SGCZ: variants seen among roughly 807,000 people sequenced by gnomAD.
The protein encoded by SGCZ is sarcoglycan zeta.
SGCZ carries 40 observed loss-of-function variants against 41.3 expected under a neutral mutation model. The observed-to-expected ratio is 0.97, with a 90% confidence interval of 0.75 to 1.26. SGCZ has a LOEUF of 1.26. SGCZ is among the 50% of genes most tolerant of loss of function. The pLI is 0.00. For synonymous variants in SGCZ, 206 were observed against 137.5 expected, an observed-to-expected ratio of 1.50 and a Z score of -3.49; for missense variants, 552 against 369.8, an observed-to-expected ratio of 1.49 and a Z score of -4.04.
At chr8:14,960,994 T>C (rs532732315) in intron 1 of SGCZ, among the ~76,000 whole-genome samples, 1 of 151,326 alleles carries the variant, frequency 6.6e-6, no homozygotes, top group African/African-American at 2.4e-5. Context: ...AAAGCCAATT[T>C]TACATTTTAC....
intron 1 of SGCZ, among the ~76,000 whole-genome samples, chr8:14,730,980 T>A (rs1384917905): frequency 6.6e-6 from 1 of 151,686 alleles, no homozygotes; most frequent in South Asian, 2.1e-4. Context: ...AGTGTGGCTA[T>A]TCCTCAAGAA....
chr8:14,112,120 C>A (rs1266911965), intron 5 of SGCZ, among the ~76,000 whole-genome samples: 1 of 152,040 alleles, frequency 6.6e-6, no homozygotes, highest in Non-Finnish European at 1.5e-5. Context: ...AAGCAAACAA[C>A]CAAGAAAGGC....
intron 1 of SGCZ, among the ~76,000 whole-genome samples, chr8:15,114,914 T>C (rs895032154): frequency 6.6e-6 from 1 of 151,842 alleles, no homozygotes; most frequent in Non-Finnish European, 1.5e-5. Flanking sequence ...AAAGAGAAAA[T>C]TTTTCATTCA....
intron 4 of SGCZ, among the ~76,000 whole-genome samples, chr8:14,230,986 G>A (rs1563199884): frequency 6.6e-6 from 1 of 152,026 alleles, no homozygotes; most frequent in Non-Finnish European, 1.5e-5. Flanking sequence ...TAAATGAATA[G>A]AAATTACTTT....
At chr8:15,141,763 G>A (rs1478842815) in intron 1 of SGCZ, among the ~76,000 whole-genome samples, 10 of 152,088 alleles carry the variant, frequency 6.6e-5, no homozygotes, top group East Asian at 1.9e-4. Flanking sequence ...TCAACTCGGC[G>A]TGGTGGTGCG....
chr8:14,684,451 C>T (rs767885846), intron 1 of SGCZ, among the ~76,000 whole-genome samples: 2 of 152,118 alleles, frequency 1.3e-5, no homozygotes, highest in Non-Finnish European at 2.9e-5. Context: ...TTCTCTGTTA[C>T]TGACTCTGGC....
intron 1 of SGCZ, among the ~76,000 whole-genome samples, chr8:14,976,628 G>A (rs1360403945): frequency 3.3e-5 from 5 of 152,044 alleles, no homozygotes; most frequent in Admixed American, 6.6e-5. Context: ...TTGTAACAAC[G>A]TCACTTTCAC....
At chr8:14,970,006 C>T (rs1314595932) in intron 1 of SGCZ, among the ~76,000 whole-genome samples, 1 of 152,098 alleles carries the variant, frequency 6.6e-6, no homozygotes, top group East Asian at 1.9e-4. Flanking sequence ...TCCACATACC[C>T]TCCAACACTT....
At chr8:14,686,065 T>C (rs551333922) in intron 1 of SGCZ, among the ~76,000 whole-genome samples, 4 of 152,240 alleles carry the variant, frequency 2.6e-5, no homozygotes, top group African/African-American at 9.6e-5. Flanking sequence ...ATATGTTTCG[T>C]CTCGGGAAGA....
chr8:14,984,604 C>T (rs1019268447), intron 1 of SGCZ, among the ~76,000 whole-genome samples: 1 of 151,950 alleles, frequency 6.6e-6, no homozygotes, highest in Admixed American at 6.6e-5. Context: ...GTTTTTCTGA[C>T]CATTGTATAT....
At chr8:14,778,371 A>T (rs1420584144) in intron 1 of SGCZ, among the ~76,000 whole-genome samples, 1 of 152,200 alleles carries the variant, frequency 6.6e-6, no homozygotes, top group East Asian at 1.9e-4. Flanking sequence ...AATTTCAGTG[A>T]GTCCATTGTA....
At chr8:14,235,954 A>G (rs753197047) in intron 4 of SGCZ, among the ~76,000 whole-genome samples, 7 of 152,192 alleles carry the variant, frequency 4.6e-5, no homozygotes, top group Non-Finnish European at 7.3e-5. Context: ...AAGCGCTGGG[A>G]TTACAGGCAT....
chr8:15,167,690 T>A (rs77321635), intron 1 of SGCZ, among the ~76,000 whole-genome samples: 2 of 135,464 alleles, frequency 1.5e-5, no homozygotes, highest in South Asian at 2.5e-4. Flanking sequence ...TAAAAAAAAA[T>A]ACGGTCTAGA....
intron 1 of SGCZ, among the ~76,000 whole-genome samples, chr8:14,567,678 C>G (rs913789809): frequency 9.2e-5 from 14 of 152,144 alleles, no homozygotes; most frequent in African/African-American, 3.4e-4. Context: ...TGCAATAAGT[C>G]TTGATACTGC....
intron 2 of SGCZ, among the ~76,000 whole-genome samples, chr8:14,409,899 T>C (rs1799313438): frequency 6.6e-6 from 1 of 152,116 alleles, no homozygotes; most frequent in Non-Finnish European, 1.5e-5. Context: ...ACACAATATA[T>C]GGGAGGTAAA....
At chr8:14,803,450 T>C (rs1801399299) in intron 1 of SGCZ, among the ~76,000 whole-genome samples, 1 of 151,894 alleles carries the variant, frequency 6.6e-6, no homozygotes, top group African/African-American at 2.4e-5. Context: ...CCTTTCCTAG[T>C]CAAAGAAAGG....
intron 2 of SGCZ, among the ~76,000 whole-genome samples, chr8:14,329,603 C>T (rs535731585): frequency 6.8e-6 from 1 of 146,498 alleles, no homozygotes; most frequent in African/African-American, 2.6e-5. Context: ...GCTCAAAAGC[C>T]CAAAGTGTCA....
intron 1 of SGCZ, among the ~76,000 whole-genome samples, chr8:14,709,410 T>C (rs1319744196): frequency 6.6e-6 from 1 of 152,158 alleles, no homozygotes; most frequent in Non-Finnish European, 1.5e-5. Flanking sequence ...ACAACAAACA[T>C]TTAATTTAGT....
chr8:14,380,173 A>T (rs1804306440), intron 2 of SGCZ, among the ~76,000 whole-genome samples: 1 of 152,204 alleles, frequency 6.6e-6, no homozygotes, highest in Non-Finnish European at 1.5e-5. Flanking sequence ...TGCAAGCTTT[A>T]TATAGTACTT....
Sources: allele counts gnomAD v4.1 joint callset (sites outside exome capture counted in the v4.1 genomes callset), GRCh38; gene constraint gnomAD v4.1.1; transcripts MANE v1.5; gene names NCBI Gene and HGNC (gene_info 2026-07-23, HGNC 2026-07-21).